TMEM132B: variants seen among roughly 807,000 people sequenced by gnomAD.
TMEM132B encodes transmembrane protein 132B.
TMEM132B carries 18 observed loss-of-function variants against 90.8 expected under a neutral mutation model. The ratio of observed to expected loss-of-function variants is 0.20; its 90% CI spans 0.14 to 0.29. The LOEUF (loss-of-function observed/expected upper bound fraction) is 0.29. Among genes scored for constraint, TMEM132B ranks in the 10% least tolerant of loss-of-function variants. The pLI, the probability that TMEM132B is intolerant of heterozygous loss-of-function variation, is 1.00. For missense variants in TMEM132B, 1,096 were observed against 1,326.8 expected, an observed-to-expected ratio of 0.83 and a Z score of 2.70; for synonymous variants, 504 against 523.3, an observed-to-expected ratio of 0.96 and a Z score of 0.50.
intron 1 of TMEM132B, among the ~76,000 whole-genome samples, chr12:125,188,524 G>C (rs1316981219): frequency 2.0e-5 from 3 of 151,780 alleles, no homozygotes; most frequent in Admixed American, 6.6e-5. Context: ...AGAATAGGAT[G>C]GTCCCCCTAC....
chr12:125,284,715 T>G (rs1184767658), intron 1 of TMEM132B, among the ~76,000 whole-genome samples: 1 of 152,230 alleles, frequency 6.6e-6, no homozygotes, highest in Non-Finnish European at 1.5e-5. Context: ...TGCAGTGTTC[T>G]TGTATACATT....
chr12:125,643,041 C>T (rs1566099001), intron 5 of TMEM132B, among the ~76,000 whole-genome samples: 2 of 152,146 alleles, frequency 1.3e-5, no homozygotes, highest in Non-Finnish European at 2.9e-5. Context: ...GTTCTTGAGC[C>T]ATTCACTTGA....
intron 1 of TMEM132B, among the ~76,000 whole-genome samples, chr12:125,268,598 A>C (rs1206310909): frequency 6.6e-6 from 1 of 152,260 alleles, no homozygotes; most frequent in African/African-American, 2.4e-5. Context: ...TGTTAAAAAG[A>C]AAAAGTAATA....
At chr12:125,501,325 T>C (rs1882690252) in intron 3 of TMEM132B, among the ~76,000 whole-genome samples, 2 of 152,226 alleles carry the variant, frequency 1.3e-5, no homozygotes, top group African/African-American at 4.8e-5. Context: ...TATTAAAAAT[T>C]ATGTCGTTTA....
chr12:125,253,552 A>C, intron 1 of TMEM132B, among the ~76,000 whole-genome samples: 1 of 146,504 alleles, frequency 6.8e-6, no homozygotes, highest in East Asian at 2.0e-4. Context: ...CTCCCACCTC[A>C]CCCTTCCTAG....
chr12:125,419,391 G>A (rs191794620), intron 3 of TMEM132B, among the ~76,000 whole-genome samples: 103 of 152,304 alleles, frequency 6.8e-4, no homozygotes, highest in Non-Finnish European at 1.1e-3. Context: ...GGCTGAAGGC[G>A]AATAAGGAGC....
chr12:125,295,538 G>GAGAGAGAGAGAGAC (rs1445138028), intron 1 of TMEM132B, among the ~76,000 whole-genome samples: 2 of 148,942 alleles, frequency 1.3e-5, no homozygotes, highest in African/African-American at 5.0e-5. Context: ...GAGAGAGAGA[G>GAGAGAGAGAGAGAC]AGAGACAGAG....
intron 4 of TMEM132B, among the ~76,000 whole-genome samples, chr12:125,528,997 C>CCTTCCTTCTTCTCCTTTCTT (rs1276115499): frequency 5.0e-5 from 7 of 139,586 alleles, no homozygotes; most frequent in Non-Finnish European, 9.3e-5. Context: ...CCTCCTTTCT[C>CCTTCCTTCTTCTCCTTTCTT]CTTCCTTCTT....
intron 5 of TMEM132B, among the ~76,000 whole-genome samples, chr12:125,595,167 G>T (rs1014751112): frequency 1.3e-5 from 2 of 152,160 alleles, no homozygotes; most frequent in Non-Finnish European, 2.9e-5. Flanking sequence ...TTGCCCTGTT[G>T]AGCTTTCTTT....
rs539654575 is a variant in TMEM132B, at chr12:125,242,445, G to T, written c.67+55579G>T. ...CCCATTTTATCCTCGAGGAAACTGAGGCCCAGAGAGGTTGAGTGATTTGTT... is the reference window on the plus strand; with the variant it reads ...CCCATTTTATCCTCGAGGAAACTGATGCCCAGAGAGGTTGAGTGATTTGTT... On this transcript the variant is annotated intron_variant, in intron 1 of 8. Coordinates refer to ENST00000682704, the MANE Select transcript of TMEM132B (RefSeq NM_001366854.1). Among the ~76,000 whole-genome samples, 30 of 152,278 alleles carry T rather than the reference G, an allele frequency of 2.0e-4. No individual in the cohort carries two copies. In the South Asian group the frequency reaches 5.6e-3, roughly 28 times the overall value.
chr12:125,474,284 C>CCCCTTCCCTT (rs559266159), intron 3 of TMEM132B, among the ~76,000 whole-genome samples: 1 of 135,874 alleles, frequency 7.4e-6, no homozygotes. Context: ...CCCCTCCCCT[C>CCCCTTCCCTT]CCCTTCCCTT....
intron 4 of TMEM132B, among the ~76,000 whole-genome samples, chr12:125,582,475 A>G (rs539448392): frequency 1.3e-5 from 2 of 152,252 alleles, no homozygotes; most frequent in African/African-American, 2.4e-5. Flanking sequence ...TCTGGGAGAC[A>G]CTGAAATAAT....
intron 2 of TMEM132B, among the ~76,000 whole-genome samples, chr12:125,395,445 G>C (rs916901414): frequency 6.6e-6 from 1 of 152,174 alleles, no homozygotes; most frequent in Non-Finnish European, 1.5e-5. Flanking sequence ...TGATGGATAT[G>C]ACAACAGAGG....
chr12:125,238,939 G>C (rs1352199586), intron 1 of TMEM132B, among the ~76,000 whole-genome samples: 2 of 152,142 alleles, frequency 1.3e-5, no homozygotes, highest in African/African-American at 4.8e-5. Flanking sequence ...GTGGCGCCTG[G>C]AATAGAAGAT....
In TMEM132B at chr12:125,474,132, C is replaced by G. The variant is rs967602006; in HGVS notation, c.1107-45307C>G. 2.1e-5 allele frequency among the ~76,000 whole-genome samples: 3 copies of G among 145,318 alleles called. 1 individual carries two copies. Among genetic ancestry groups the G allele is most frequent in the Non-Finnish European group, 4.5e-5 (3 of 67,278 alleles). On this transcript the variant is annotated intron_variant, in intron 3 of 8. Transcript: ENST00000682704. ...CCGTCTTTCTGTCATTTTCTTTCCTCTCTCTCTCGCCTTCCTGCCTTCTTT... is the reference window on the plus strand; with the variant it reads ...CCGTCTTTCTGTCATTTTCTTTCCTGTCTCTCTCGCCTTCCTGCCTTCTTT...
At chr12:125,351,563 A>T (rs1437014584) in intron 2 of TMEM132B, among the ~76,000 whole-genome samples, 2 of 152,192 alleles carry the variant, frequency 1.3e-5, no homozygotes, top group African/African-American at 2.4e-5. Flanking sequence ...AGAACCATAA[A>T]CTATATATAA....
chr12:125,550,470 G>A (rs2136757538), intron 4 of TMEM132B, among the ~76,000 whole-genome samples: 1 of 152,218 alleles, frequency 6.6e-6, no homozygotes, highest in Admixed American at 6.5e-5. Flanking sequence ...TGCGGTTTCT[G>A]TCTCCTGGCT....
At position 125,658,456 on chromosome 12, in the gene TMEM132B, A is replaced by G. The variant is rs933051046; in HGVS notation, c.*3746A>G. On this transcript the variant is annotated 3_prime_UTR_variant, in exon 9 of 9. Coordinates refer to ENST00000682704, the MANE Select transcript of TMEM132B (RefSeq NM_001366854.1). ...CATCTGAACCCTACAAGTCAGGGAC[A>G]CCAGTGTGTTTTCTACTCGAGTTAC... 1 of 152,214 alleles carries G rather than the reference A, an allele frequency of 6.6e-6. No individual in the cohort carries two copies. The highest frequency in any genetic ancestry group is 1.5e-5 in the Non-Finnish European group (1 of 68,038). 9.4% of individuals were successfully genotyped at this position (152,214 alleles called of 1,614,324 possible). A position where few individuals can be genotyped will look rare whatever the true frequency, so the allele number is the denominator to read the frequency against.
chr12:125,495,834 T>A (rs1882547161), intron 3 of TMEM132B, among the ~76,000 whole-genome samples: 1 of 152,246 alleles, frequency 6.6e-6, no homozygotes, highest in South Asian at 2.1e-4. Flanking sequence ...TTTGGAATGA[T>A]GTTGAGGCTG....
Sources: gnomAD v4.1 joint callset for allele counts (sites outside exome capture counted in the v4.1 genomes callset) on GRCh38, gnomAD v4.1.1 for gene constraint, MANE v1.5 for transcripts, NCBI Gene and HGNC (gene_info 2026-07-23, HGNC 2026-07-21) for gene names.